The following CNTNAP5 variants were observed in gnomAD, a reference collection of about 807,000 sequenced individuals.
CNTNAP5 encodes the protein contactin-associated protein-like 5.
In CNTNAP5, 72 loss-of-function variants were observed where a neutral mutation model predicts 150.2. That is an observed-to-expected ratio of 0.48 (90% CI 0.40 to 0.58). The LOEUF is 0.58. Ranked by LOEUF, CNTNAP5 falls within the 20% of genes least tolerant of loss-of-function variation. The probability of loss-of-function intolerance (pLI) is 0.00; values close to 1 mark genes in which losing one functional copy is unlikely to be tolerated. For synonymous variants in CNTNAP5, 672 were observed against 619.8 expected, an observed-to-expected ratio of 1.08 and a Z score of -1.25; for missense variants, 1,636 against 1,626.2, an observed-to-expected ratio of 1.01 and a Z score of -0.10.
At chr2:124,792,749 T>A (rs1681760864) in intron 18 of CNTNAP5, among the ~76,000 whole-genome samples, 1 of 152,240 alleles carries the variant, frequency 6.6e-6, no homozygotes, top group South Asian at 2.1e-4. Context: ...TTGCCCATCC[T>A]GAGCCTTTCA....
chr2:124,082,655 T>C (rs1450819923), intron 1 of CNTNAP5, among the ~76,000 whole-genome samples: 1 of 152,230 alleles, frequency 6.6e-6, no homozygotes, highest in Non-Finnish European at 1.5e-5. Flanking sequence ...TTTATTTCTC[T>C]GAATCAGTGT....
At chr2:124,346,266 T>C (rs953089571) in intron 3 of CNTNAP5, among the ~76,000 whole-genome samples, 1 of 152,204 alleles carries the variant, frequency 6.6e-6, no homozygotes, top group Non-Finnish European at 1.5e-5. Context: ...CTGTCAGTGA[T>C]GAAATAAGAC....
intron 3 of CNTNAP5, among the ~76,000 whole-genome samples, chr2:124,308,268 G>T (rs566746178): frequency 6.6e-6 from 1 of 151,876 alleles, no homozygotes; most frequent in African/African-American, 2.4e-5. Flanking sequence ...TACCTAAACT[G>T]CCAGTCTTGG....
At chr2:124,406,497 C>T (rs1691574482) in intron 3 of CNTNAP5, among the ~76,000 whole-genome samples, 1 of 152,242 alleles carries the variant, frequency 6.6e-6, no homozygotes, top group South Asian at 2.1e-4. Flanking sequence ...TATGAACTGA[C>T]TTTTAAAATG....
rs1485501267 is a variant in CNTNAP5, at chr2:124,400,674, T to TTTG, written c.382-16767_382-16766insGTT. 1.7e-4 allele frequency among the ~76,000 whole-genome samples: 16 copies of TTTG among 91,550 alleles called. No homozygotes were observed. The South Asian group carries it at 8.2e-3, about 47-fold the overall frequency. The allele number at this position is 91,550 out of a possible 152,430, so 60.1% of individuals were successfully genotyped here. ...TTTGAAAGGATAAAGGCATTGTTTT[T>TTTG]TTTTTTTTTTTTTTGTTTTTTTTCT... On this transcript the variant is annotated intron_variant, in intron 3 of 23. Transcript: ENST00000682447.
At chr2:124,460,205 T>C (rs1465027048) in intron 6 of CNTNAP5, among the ~76,000 whole-genome samples, 1 of 152,150 alleles carries the variant, frequency 6.6e-6, no homozygotes, top group East Asian at 1.9e-4. Context: ...TAGAAATTTC[T>C]GAAAGGATAC....
chr2:124,582,307 G>A (rs1341889654), intron 11 of CNTNAP5, among the ~76,000 whole-genome samples: 1 of 152,030 alleles, frequency 6.6e-6, no homozygotes, highest in Non-Finnish European at 1.5e-5. Flanking sequence ...TTGCTCACCT[G>A]GCTTTACTCA....
chr2:124,479,375 A>G (rs1235091136), intron 7 of CNTNAP5, among the ~76,000 whole-genome samples: 4 of 152,216 alleles, frequency 2.6e-5, no homozygotes, highest in Non-Finnish European at 5.9e-5. Context: ...GGCAAGGAGC[A>G]TAACATGATT....
Position 124,914,300 on chromosome 2 carries a change from G to T in CNTNAP5, c.*12G>T, listed in dbSNP as rs751506767. The T allele has an allele frequency of 4.4e-6, 7 of 1,589,386 alleles. No individual in the cohort carries two copies. In the East Asian group the frequency reaches 1.4e-4, roughly 31 times the overall value. On this transcript the variant is annotated 3_prime_UTR_variant, in exon 24 of 24. Transcript: ENST00000682447. ...AATATTTCATCTGAGAAACTGCAGGGTTCCTACTACTCTTTTTTCTTGTTG... is the reference window on the plus strand; with the variant it reads ...AATATTTCATCTGAGAAACTGCAGGTTTCCTACTACTCTTTTTTCTTGTTG...
intron 17 of CNTNAP5, 48 bp from the exon 18 acceptor site, chr2:124,789,854 T>C (rs1213207145): frequency 1.9e-6 from 3 of 1,573,482 alleles, no homozygotes; most frequent in Admixed American, 1.7e-5. Context: ...CTAAATGTAT[T>C]GAGCCCTATA....
At chr2:124,243,363 C>A (rs1347105755) in intron 3 of CNTNAP5, among the ~76,000 whole-genome samples, 3 of 151,996 alleles carry the variant, frequency 2.0e-5, no homozygotes, top group Non-Finnish European at 4.4e-5. Context: ...CCATGTTGGC[C>A]CCATCTCCCT....
chr2:124,793,126 G>A (rs1681771991), intron 18 of CNTNAP5, among the ~76,000 whole-genome samples: 1 of 152,092 alleles, frequency 6.6e-6, no homozygotes, highest in Non-Finnish European at 1.5e-5. Context: ...TTTCAAATCG[G>A]CTGTTCCATT....
intron 13 of CNTNAP5, among the ~76,000 whole-genome samples, chr2:124,678,690 G>A (rs891674933): frequency 6.6e-6 from 1 of 151,824 alleles, no homozygotes; most frequent in African/African-American, 2.4e-5. Context: ...GGCCAGGAAA[G>A]GAATGCACCA....
At chr2:124,740,256 C>T (rs552877384) in intron 13 of CNTNAP5, among the ~76,000 whole-genome samples, 1 of 152,186 alleles carries the variant, frequency 6.6e-6, no homozygotes, top group Admixed American at 6.5e-5. Context: ...GATCTGGTTT[C>T]ATTAGGTTAC....
intron 1 of CNTNAP5, among the ~76,000 whole-genome samples, chr2:124,122,295 A>G (rs1373490848): frequency 6.6e-6 from 1 of 152,182 alleles, no homozygotes; most frequent in African/African-American, 2.4e-5. Flanking sequence ...AAATCGTGAA[A>G]CATTAGGCAG....
At chr2:124,165,726 G>C (rs1684797825) in intron 1 of CNTNAP5, among the ~76,000 whole-genome samples, 1 of 152,066 alleles carries the variant, frequency 6.6e-6, no homozygotes, top group South Asian at 2.1e-4. Flanking sequence ...AACATGGAGG[G>C]GTAGCATATT....
intron 3 of CNTNAP5, among the ~76,000 whole-genome samples, chr2:124,396,358 A>C (rs1052987104): frequency 1.3e-5 from 2 of 152,316 alleles, no homozygotes; most frequent in Non-Finnish European, 2.9e-5. Context: ...TGGGGCATAC[A>C]GACCTCCCTG....
At chr2:124,872,457 T>C (rs1027889389) in intron 21 of CNTNAP5, among the ~76,000 whole-genome samples, 2 of 151,084 alleles carry the variant, frequency 1.3e-5, no homozygotes, top group African/African-American at 4.9e-5. Context: ...AATTAATTTG[T>C]GACAACTCTA....
At chr2:124,665,065 A>T (rs528373789) in intron 13 of CNTNAP5, among the ~76,000 whole-genome samples, 2 of 152,348 alleles carry the variant, frequency 1.3e-5, no homozygotes, top group East Asian at 3.9e-4. Context: ...TCTATCAGCC[A>T]GTGAGAACAC....
Sources: allele counts gnomAD v4.1 joint callset (sites outside exome capture counted in the v4.1 genomes callset), GRCh38; gene constraint gnomAD v4.1.1; transcripts MANE v1.5; gene names NCBI Gene and HGNC (gene_info 2026-07-23, HGNC 2026-07-21).